The following KLF12 variants were observed in gnomAD, a reference collection of about 807,000 sequenced individuals.
The protein encoded by KLF12 is Krueppel-like factor 12.
KLF12 carries 9 observed loss-of-function variants against 37.8 expected under a neutral mutation model. The ratio of observed to expected loss-of-function variants is 0.24; its 90% CI spans 0.14 to 0.42. KLF12 has a LOEUF of 0.42. Among genes scored for constraint, KLF12 ranks in the 10% least tolerant of loss-of-function variants. The pLI is 1.00. For synonymous variants in KLF12, 208 were observed against 202.1 expected, an observed-to-expected ratio of 1.03 and a Z score of -0.25; for missense variants, 411 against 516.0, an observed-to-expected ratio of 0.80 and a Z score of 1.97.
At chr13:73,865,740 A>C (rs1373965480) in intron 3 of KLF12, among the ~76,000 whole-genome samples, 2 of 152,170 alleles carry the variant, frequency 1.3e-5, no homozygotes, top group Non-Finnish European at 2.9e-5. Flanking sequence ...ACAATCATAA[A>C]ATGCTTAACA....
chr13:74,215,550 T>C, the KLF12 span, among the ~76,000 whole-genome samples: 1 of 151,422 alleles, frequency 6.6e-6, no homozygotes, highest in Non-Finnish European at 1.5e-5. Flanking sequence ...TGTTTAAAAC[T>C]GAATGCTTAA....
intron 4 of KLF12, among the ~76,000 whole-genome samples, chr13:73,842,993 A>G (rs922420300): frequency 1.3e-5 from 2 of 152,240 alleles, no homozygotes; most frequent in African/African-American, 4.8e-5. Flanking sequence ...CATTTGTAGA[A>G]TATGGTGATT....
intron 3 of KLF12, among the ~76,000 whole-genome samples, chr13:73,869,039 ATTGT>A (rs1364434196): frequency 1.3e-5 from 2 of 152,226 alleles, no homozygotes; most frequent in South Asian, 2.1e-4. Context: ...TCTTTATCTG[ATTGT>A]TAGTTACATA....
chr13:73,863,127 T>A (rs936503495), intron 3 of KLF12, among the ~76,000 whole-genome samples: 12 of 152,170 alleles, frequency 7.9e-5, no homozygotes, highest in Middle Eastern at 3.2e-3. Flanking sequence ...TTAAAATTCA[T>A]TTGTATTTCT....
intron 4 of KLF12, among the ~76,000 whole-genome samples, chr13:73,843,805 T>G (rs1884876394): frequency 6.6e-6 from 1 of 152,198 alleles, no homozygotes; most frequent in Non-Finnish European, 1.5e-5. Context: ...TAGCACAATC[T>G]GCAGGGTTTA....
chr13:74,010,551 C>T (rs924431071), intron 1 of KLF12, among the ~76,000 whole-genome samples: 1 of 152,138 alleles, frequency 6.6e-6, no homozygotes, highest in Non-Finnish European at 1.5e-5. Context: ...GGCTTAATGC[C>T]TACTTTGCAT....
At chr13:74,297,127 A>T in the KLF12 span, among the ~76,000 whole-genome samples, 2 of 152,170 alleles carry the variant, frequency 1.3e-5, no homozygotes, top group African/African-American at 4.8e-5. Flanking sequence ...AGACATAGAC[A>T]TTCAGTTGGG....
At chr13:74,010,575 T>C (rs943021168) in intron 1 of KLF12, among the ~76,000 whole-genome samples, 21 of 152,278 alleles carry the variant, frequency 1.4e-4, no homozygotes, top group African/African-American at 4.8e-4. Context: ...TTTGTCATAT[T>C]TGGAGAATCT....
chr13:73,944,733 A>C (rs1240803804), intron 2 of KLF12, among the ~76,000 whole-genome samples: 1 of 151,518 alleles, frequency 6.6e-6, no homozygotes, highest in Non-Finnish European at 1.5e-5. Flanking sequence ...CTTGAAAAGA[A>C]AATCTTATCT....
At chr13:73,891,931 T>A (rs536382636) in intron 3 of KLF12, among the ~76,000 whole-genome samples, 1 of 152,128 alleles carries the variant, frequency 6.6e-6, no homozygotes, top group South Asian at 2.1e-4. Context: ...AAAGCCAAAG[T>A]AATAATCTCC....
At chr13:74,181,291 C>A in the KLF12 span, among the ~76,000 whole-genome samples, 3 of 150,392 alleles carry the variant, frequency 2.0e-5, no homozygotes, top group African/African-American at 7.3e-5. Flanking sequence ...AGCCACTGCA[C>A]CCTGCTGAAA....
chr13:73,936,391 T>TA (rs968802408), intron 3 of KLF12, among the ~76,000 whole-genome samples: 6 of 152,114 alleles, frequency 3.9e-5, no homozygotes, highest in Admixed American at 3.3e-4. Context: ...ATGCCTCACA[T>TA]ATGAAGAGGT....
At chr13:73,868,781 T>A (rs1457257038) in intron 3 of KLF12, among the ~76,000 whole-genome samples, 1 of 152,210 alleles carries the variant, frequency 6.6e-6, no homozygotes, top group Non-Finnish European at 1.5e-5. Context: ...GCTTCAAGAA[T>A]TGTTTCAAAC....
At chr13:74,204,503 T>C in the KLF12 span, among the ~76,000 whole-genome samples, 8 of 152,168 alleles carry the variant, frequency 5.3e-5, no homozygotes, top group Non-Finnish European at 1.0e-4. Context: ...AAAATTATTC[T>C]TCTCAATTTA....
At chr13:74,192,281 C>T in the KLF12 span, among the ~76,000 whole-genome samples, 1 of 152,082 alleles carries the variant, frequency 6.6e-6, no homozygotes, top group Non-Finnish European at 1.5e-5. Flanking sequence ...TATTCCAGTT[C>T]AATTCCTTTT....
intron 1 of KLF12, among the ~76,000 whole-genome samples, chr13:74,088,416 C>T (rs775638086): frequency 9.2e-5 from 14 of 151,938 alleles, no homozygotes; most frequent in Non-Finnish European, 1.9e-4. Flanking sequence ...TTAGTAAAGA[C>T]GGCATTTCAC....
intron 1 of KLF12, among the ~76,000 whole-genome samples, chr13:74,133,318 C>A (rs1429939701): frequency 1.3e-5 from 2 of 151,698 alleles, no homozygotes; most frequent in African/African-American, 4.8e-5. Context: ...TCCACGAGCC[C>A]CCCCTCCCCC....
At chr13:73,798,990 A>G (rs1882142279) in intron 5 of KLF12, among the ~76,000 whole-genome samples, 1 of 152,242 alleles carries the variant, frequency 6.6e-6, no homozygotes, top group African/African-American at 2.4e-5. Flanking sequence ...TATTCACAAT[A>G]GCAAAGACAT....
intron 2 of KLF12, among the ~76,000 whole-genome samples, chr13:73,969,118 TG>T (rs1891256086): frequency 6.6e-6 from 1 of 151,530 alleles, no homozygotes; most frequent in African/African-American, 2.4e-5. Context: ...GCATGCTGGG[TG>T]GGTGCTGCAT....
Sources: allele counts gnomAD v4.1 joint callset (sites outside exome capture counted in the v4.1 genomes callset), GRCh38; gene constraint gnomAD v4.1.1; transcripts MANE v1.5; gene names NCBI Gene and HGNC (gene_info 2026-07-23, HGNC 2026-07-21).